PPIL2: variants seen among roughly 807,000 people sequenced by gnomAD.
PPIL2 encodes peptidylprolyl isomerase like 2.
Under a neutral mutation model 75.2 loss-of-function variants are expected in PPIL2, and 50 were observed. The observed-to-expected ratio is 0.66, with a 90% confidence interval of 0.53 to 0.84. The LOEUF is 0.84. PPIL2 is among the 40% of genes least tolerant of loss of function. PPIL2 has a pLI of 0.00. For missense variants in PPIL2, 590 were observed against 685.0 expected, an observed-to-expected ratio of 0.86 and a Z score of 1.55; for synonymous variants, 245 against 258.8, an observed-to-expected ratio of 0.95 and a Z score of 0.51.
rs2067370055 is a variant in PPIL2, at chr22:21,686,544, C to A, written c.776C>A (p.Thr259Asn). The change falls in exon 11 of 20, where the codon ACC becomes AAC. Residue 259 changes from threonine (T) to asparagine (N), a missense_variant. Coordinates refer to ENST00000398831, the MANE Select transcript of PPIL2 (RefSeq NM_014337.4). ...ACCTCCACCGCGATGGTCCCGGAGA[C>A]CACACATGAAGCAGGTAGCCACCTT... Reference protein sequence around the residue: ...SFTSTAMVPETTHEAAAIDED... With the variant: ...SFTSTAMVPENTHEAAAIDED... 6.2e-7 allele frequency: 1 copy of A among 1,614,012 alleles called. No homozygotes were observed. The highest frequency in any genetic ancestry group is 1.3e-5 in the African/African-American group (1 of 74,938).
chr22:21,695,294 G>T, intron 19 of PPIL2, 100 bp from the exon 20 acceptor site: 1 of 1,392,450 alleles, frequency 7.2e-7, no homozygotes. Flanking sequence ...CAGCAGGTGG[G>T]AGGGGTTGGG....
intron 12 of PPIL2, 59 bp downstream of exon 12, chr22:21,687,057 G>A (rs2067397020): frequency 1.4e-6 from 2 of 1,481,164 alleles, no homozygotes; most frequent in South Asian, 2.3e-5. Context: ...TCATCTGACA[G>A]CCATGTCTTA....
At chr22:21,684,099 TGGG>T (rs1569033138) in intron 9 of PPIL2, among the ~76,000 whole-genome samples, 1 of 151,388 alleles carries the variant, frequency 6.6e-6, no homozygotes, top group African/African-American at 2.4e-5. Context: ...CCCAGCTACT[TGGG>T]GGGCTGAGGC....
intron 6 of PPIL2, among the ~76,000 whole-genome samples, chr22:21,678,893 ATTTT>A (rs10706275): frequency 1.7e-5 from 2 of 118,146 alleles, no homozygotes; most frequent in Admixed American, 9.0e-5. Context: ...TGCCCAGCCA[ATTTT>A]TTTTTTTTTT....
intron 1 of PPIL2, among the ~76,000 whole-genome samples, chr22:21,668,355 G>A (rs1039476027): frequency 3.3e-5 from 5 of 151,906 alleles, no homozygotes; most frequent in East Asian, 4.0e-4. Context: ...GGCCAGGCAC[G>A]GTGGCTCACA....
At chr22:21,693,963 A>G in intron 16 of PPIL2, 91 bp downstream of exon 16, 1 of 1,349,596 alleles carries the variant, frequency 7.4e-7, no homozygotes, top group Non-Finnish European at 1.1e-6. Flanking sequence ...TTTTTCGTGG[A>G]CCTGAGTCAT....
At chr22:21,667,132 G>C (rs2066419075) in intron 1 of PPIL2, among the ~76,000 whole-genome samples, 1 of 144,448 alleles carries the variant, frequency 6.9e-6, no homozygotes. Flanking sequence ...GCTAAATATA[G>C]TATTCAATCC....
chr22:21,684,717 G>A, intron 9 of PPIL2, 36 bp from the exon 10 acceptor site: 1 of 1,608,212 alleles, frequency 6.2e-7, no homozygotes, highest in Non-Finnish European at 8.5e-7. Flanking sequence ...GGCTACTGGG[G>A]GCTCGGCGGC....
intron 6 of PPIL2, among the ~76,000 whole-genome samples, chr22:21,676,176 G>A (rs1280983519): frequency 3.3e-5 from 5 of 152,164 alleles, no homozygotes; most frequent in Middle Eastern, 3.4e-3. Context: ...CGTCATTGAC[G>A]TCGGTGGAGG....
intron 12 of PPIL2, among the ~76,000 whole-genome samples, 180 bp downstream of exon 12, chr22:21,687,178 G>T (rs1601572969): frequency 6.6e-6 from 1 of 152,164 alleles, no homozygotes; most frequent in Non-Finnish European, 1.5e-5. Context: ...TGGCAGCATG[G>T]CCTGCGCACA....
chr22:21,682,896 C>T (rs951019288), intron 8 of PPIL2, among the ~76,000 whole-genome samples: 7 of 152,232 alleles, frequency 4.6e-5, no homozygotes, highest in South Asian at 4.1e-4. Context: ...CGTTCCGGTC[C>T]GATAGCTCCC....
intron 8 of PPIL2, among the ~76,000 whole-genome samples, chr22:21,682,803 G>A (rs1276932656): frequency 1.3e-5 from 2 of 152,246 alleles, no homozygotes; most frequent in African/African-American, 4.8e-5. Context: ...AGAAAAGCAG[G>A]TGCTGGCTGG....
chr22:21,688,381 C>T (rs2067470682), intron 14 of PPIL2, among the ~76,000 whole-genome samples: 1 of 152,228 alleles, frequency 6.6e-6, no homozygotes, highest in Non-Finnish European at 1.5e-5. Context: ...GCCCTCCCTC[C>T]TGCAGCCTCT....
intron 15 of PPIL2, among the ~76,000 whole-genome samples, chr22:21,691,565 A>G (rs1430483943): frequency 6.6e-6 from 1 of 152,038 alleles, no homozygotes; most frequent in Non-Finnish European, 1.5e-5. Flanking sequence ...CTGTAGTCCC[A>G]GCTACTCAGG....
chr22:21,694,265 G>A (rs141989281), intron 16 of PPIL2, among the ~76,000 whole-genome samples: 2 of 152,298 alleles, frequency 1.3e-5, no homozygotes, highest in East Asian at 1.9e-4. Flanking sequence ...CAGGGTGGAC[G>A]CAGGTGATGT....
Position 21,696,054 on chromosome 22 carries a change from T to C in PPIL2, c.*564T>C. On this transcript the variant is annotated 3_prime_UTR_variant, in exon 20 of 20. Transcript: ENST00000398831. ...AGGGACAGCCTATTTATACAACCAG[T>C]GTGGTCCCCTGACCAACGCCATTAC... is the stretch of plus-strand genomic sequence containing the variant. 1.5e-6 allele frequency: 1 copy of C among 675,706 alleles called. No homozygotes were observed. The highest frequency in any genetic ancestry group is 1.8e-6 in the Non-Finnish European group (1 of 542,432). 41.9% of individuals were successfully genotyped at this position (675,706 alleles called of 1,614,324 possible). A position where few individuals can be genotyped will look rare whatever the true frequency, so the allele number is the denominator to read the frequency against.
intron 1 of PPIL2, among the ~76,000 whole-genome samples, chr22:21,666,564 T>C (rs1296805593): frequency 6.6e-6 from 1 of 152,150 alleles, no homozygotes. Flanking sequence ...ATCACAGCAC[T>C]TTGGGAGGCC....
chr22:21,696,553 GC>G lies in PPIL2; in HGVS notation c.*1064del, dbSNP rs748157252. On this transcript the variant is annotated 3_prime_UTR_variant, in exon 20 of 20. Coordinates refer to ENST00000398831, the MANE Select transcript of PPIL2 (RefSeq NM_014337.4). ...TTTCTGTTAAATGTGCCCCTGGCTG[GC>G]TTTTTCTTCGTCTTCAGCCCAGGCC... 35 of 1,384,586 alleles carry G rather than the reference GC, an allele frequency of 2.5e-5. No homozygotes were observed. Among genetic ancestry groups the G allele is most frequent in the Admixed American group, 1.2e-4 (4 of 33,222 alleles). The allele number at this position is 1,384,586 out of a possible 1,614,324, so 85.8% of individuals were successfully genotyped here.
chr22:21,699,997 CA>C (rs1342793723), downstream of PPIL2: 1 of 152,376 alleles, frequency 6.6e-6, no homozygotes, highest in African/African-American at 2.4e-5. Flanking sequence ...CTTAAATAAA[CA>C]TGTTCCACTA....
Sources: allele counts gnomAD v4.1 joint callset (sites outside exome capture counted in the v4.1 genomes callset), GRCh38; gene constraint gnomAD v4.1.1; transcripts MANE v1.5; gene names NCBI Gene and HGNC (gene_info 2026-07-23, HGNC 2026-07-21).